Variants in ARPIN observed in about 807,000 individuals in gnomAD.
The protein encoded by ARPIN is actin related protein 2/3 complex inhibitor.
A neutral mutation model predicts 25.9 loss-of-function variants in ARPIN; 23 were observed. The ratio of observed to expected loss-of-function variants is 0.89; its 90% CI spans 0.64 to 1.26. ARPIN has a LOEUF of 1.26. ARPIN is among the 50% of genes most tolerant of loss of function. The probability of loss-of-function intolerance (pLI) is 0.00; values close to 1 mark genes in which losing one functional copy is unlikely to be tolerated. For missense variants in ARPIN, 333 were observed against 312.2 expected (o/e 1.07, Z -0.50); for synonymous variants, 126 against 131.4 (o/e 0.96, Z 0.28).
Position 89,903,099 on chromosome 15 carries a change from C to A in ARPIN, c.672+117G>T, listed in dbSNP as rs138285286. 1.3e-4 allele frequency: 200 copies of A among 1,599,594 alleles called. 2 individuals are homozygous for A. The East Asian group carries it at 4.3e-3, about 35-fold the overall frequency. On this transcript the variant is annotated intron_variant, in intron 5 of 5. Coordinates refer to ENST00000357484, the MANE Select transcript of ARPIN (RefSeq NM_182616.4). The stretch of plus-strand genomic sequence containing the variant: ...ACATTCCCAGGTGTTTCACAGAATT[C>A]CACTAAAGCTGGGGGGTAAGATTCA...
intron 1 of ARPIN, 147 bp downstream of exon 1, chr15:89,912,597 C>A: frequency 7.4e-7 from 1 of 1,345,572 alleles, no homozygotes. Context: ...CCGGGAGCGG[C>A]GGACTGGAGG....
At chr15:89,902,838 C>G in intron 5 of ARPIN, 1 of 1,159,092 alleles carries the variant, frequency 8.6e-7, no homozygotes, top group South Asian at 2.0e-5. Flanking sequence ...AGGCAAGGAG[C>G]CCAAACCAAA....
At position 89,901,633 on chromosome 15, in the gene ARPIN, GT is replaced by G. The variant is rs1897022541; in HGVS notation, c.*161del. The G allele has an allele frequency of 2.3e-6, 2 of 858,116 alleles. No individual in the cohort carries two copies. Among genetic ancestry groups the G allele is most frequent in the Non-Finnish European group, 3.7e-6 (2 of 544,372 alleles). 53.2% of individuals were successfully genotyped at this position (858,116 alleles called of 1,614,324 possible). A position where few individuals can be genotyped will look rare whatever the true frequency, so the allele number is the denominator to read the frequency against. ...CACCAACACAGTGGTCATGGGTTTG[GT>G]TTTAGCAGAGCTTGTTCAAAGAGTA... On this transcript the variant is annotated 3_prime_UTR_variant, in exon 6 of 6. Coordinates refer to ENST00000357484, the MANE Select transcript of ARPIN (RefSeq NM_182616.4).
chr15:89,908,129 G>T, intron 3 of ARPIN, 151 bp downstream of exon 3: 1 of 1,317,226 alleles, frequency 7.6e-7, no homozygotes. Context: ...GGCAAGGCCA[G>T]GGGTGGATGT....
chr15:89,910,948 T>G, intron 1 of ARPIN, 129 bp from the exon 2 acceptor site: 1 of 1,133,130 alleles, frequency 8.8e-7, no homozygotes. Context: ...GCTTCCGACA[T>G]AGGGATCTCC....
chr15:89,912,742 A>AC lies in ARPIN; in HGVS notation c.92+1dup, dbSNP rs1355810533. ...GACCCGAGGCCGTGAGCCCAGGCCTACCCCTGGTGGGCGGCGGGGTCCCAG... is the reference window on the plus strand; with the variant it reads ...GACCCGAGGCCGTGAGCCCAGGCCTACCCCCTGGTGGGCGGCGGGGTCCCAG... On this transcript the variant is annotated splice_donor_variant, in intron 1 of 5. Transcript: ENST00000357484. LOFTEE classifies it high-confidence loss of function. 1 of 1,293,910 alleles carries AC rather than the reference A, an allele frequency of 7.7e-7. No individual in the cohort carries two copies. The highest frequency in any genetic ancestry group is 3.0e-5 in the Admixed American group (1 of 33,384). 80.2% of individuals were successfully genotyped at this position (1,293,910 alleles called of 1,614,324 possible).
At chr15:89,903,755 C>T (rs1486680938) in intron 4 of ARPIN, 22 bp downstream of exon 4, 4 of 1,613,214 alleles carry the variant, frequency 2.5e-6, no homozygotes. Flanking sequence ...CAGTGGGCCA[C>T]AGTGAGGGTT....
Position 89,903,973 on chromosome 15 carries a change from G to T in ARPIN, c.312C>A (p.Ala104=). 2 of 1,606,128 alleles carry T rather than the reference G, an allele frequency of 1.2e-6. No individual in the cohort carries two copies. The highest frequency in any genetic ancestry group is 1.7e-6 in the Non-Finnish European group (2 of 1,178,782). ...GFLMSSYKVE[A]KGDTDRLTPE... is the part of the protein sequence containing the mutation. ...GCGTGAGCCTGTCAGTGTCCCCCTTGGCTTCCACCTCTGCAGGCACAGAGC... is the reference window on the plus strand; with the variant it reads ...GCGTGAGCCTGTCAGTGTCCCCCTTTGCTTCCACCTCTGCAGGCACAGAGC... The change falls in exon 4 of 6, where the codon GCC becomes GCA. Residue 104 remains alanine, a synonymous_variant. Coordinates refer to ENST00000357484, the MANE Select transcript of ARPIN (RefSeq NM_182616.4).
At position 89,895,267 on chromosome 15, in the gene ARPIN, G is replaced by T. The variant is rs1896912289; in HGVS notation, c.*6528C>A. The T allele has an allele frequency of 6.6e-6, 1 of 152,098 alleles. No homozygotes were observed. The highest frequency in any genetic ancestry group is 1.5e-5 in the Non-Finnish European group (1 of 68,010). 9.4% of individuals were successfully genotyped at this position (152,098 alleles called of 1,614,324 possible). On this transcript the variant is annotated 3_prime_UTR_variant, in exon 6 of 6. Transcript: ENST00000357484. ...CATGCTGGGAAAGATTTATGATACG[G>T]AAGTGTTCATGACACCTGTTAAGCT...
intron 1 of ARPIN, 81 bp downstream of exon 1, chr15:89,912,663 T>TTGGGGCCCCCC: frequency 2.3e-6 from 2 of 871,104 alleles, no homozygotes; most frequent in Non-Finnish European, 2.8e-6. Context: ...CCCACCCGCA[T>TTGGGGCCCCCC]CCCACCCCCC....
At chr15:89,912,663 T>TGTGGGGC in intron 1 of ARPIN, 81 bp downstream of exon 1, 2 of 871,102 alleles carry the variant, frequency 2.3e-6, no homozygotes, top group Non-Finnish European at 2.8e-6. Context: ...CCCACCCGCA[T>TGTGGGGC]CCCACCCCCC....
In ARPIN at chr15:89,901,258, C is replaced by G. The variant is rs1391529199; in HGVS notation, c.*537G>C. 2 of 160,508 alleles carry G rather than the reference C, an allele frequency of 1.2e-5. No homozygotes were observed. The highest frequency in any genetic ancestry group is 4.8e-5 in the African/African-American group (2 of 41,508). The allele number at this position is 160,508 out of a possible 1,614,324, so 9.9% of individuals were successfully genotyped here. ...GAGGAAGAGCCCCGCTAACTTCTCT[C>G]AGCTGCTCTGCATTTAGACAAGGGA... is the stretch of plus-strand genomic sequence containing the variant. On this transcript the variant is annotated 3_prime_UTR_variant, in exon 6 of 6. Coordinates refer to ENST00000357484, the MANE Select transcript of ARPIN (RefSeq NM_182616.4).
At chr15:89,908,897 C>T (rs1354144696) in intron 2 of ARPIN, among the ~76,000 whole-genome samples, 1 of 152,076 alleles carries the variant, frequency 6.6e-6, no homozygotes, top group African/African-American at 2.4e-5. Context: ...GCAGGAGAAT[C>T]GCTTGAGCCC....
In ARPIN at chr15:89,912,928, A is replaced by G; in HGVS notation, c.-93T>C. On this transcript the variant is annotated 5_prime_UTR_variant, in exon 1 of 6. Transcript: ENST00000357484. ...GCTGCAGGACGCGCGGGGACCCGCG[A>G]TTCCCAGCCGGCGGATCCGGGAATG... 1 of 1,386,182 alleles carries G rather than the reference A, an allele frequency of 7.2e-7. No homozygotes were observed. The highest frequency in any genetic ancestry group is 9.3e-7 in the Non-Finnish European group (1 of 1,073,294). The allele number at this position is 1,386,182 out of a possible 1,614,324, so 85.9% of individuals were successfully genotyped here. A position where few individuals can be genotyped will look rare whatever the true frequency, so the allele number is the denominator to read the frequency against.
In ARPIN at chr15:89,903,948, G is replaced by T; in HGVS notation, c.337C>A (p.Pro113Thr). 1 of 1,610,440 alleles carries T rather than the reference G, an allele frequency of 6.2e-7. No homozygotes were observed. The highest frequency in any genetic ancestry group is 8.5e-7 in the Non-Finnish European group (1 of 1,179,862). ...EAKGDTDRLT[P>T]EALKGLVNKP... ...TTGACCAGCCCCTTCAGCGCCTCGG[G>T]CGTGAGCCTGTCAGTGTCCCCCTTG... Residue 113 changes from proline (P) to threonine (T), a missense_variant, in exon 4 of 6, where the codon CCC becomes ACC. Transcript: ENST00000357484.
chr15:89,910,906 A>C (rs2141928401), intron 1 of ARPIN, 87 bp from the exon 2 acceptor site: 1 of 1,211,210 alleles, frequency 8.3e-7, no homozygotes, highest in Non-Finnish European at 1.1e-6. Context: ...CAGCCCTGAG[A>C]AGGCTGGGTA....
chr15:89,902,191 C>T (rs1404091067), intron 5 of ARPIN, among the ~76,000 whole-genome samples: 1 of 151,846 alleles, frequency 6.6e-6, no homozygotes, highest in Non-Finnish European at 1.5e-5. Flanking sequence ...GGTGGATCAC[C>T]CGAGGTCGGG....
chr15:89,902,871 T>G, intron 5 of ARPIN: 2 of 1,209,654 alleles, frequency 1.7e-6, no homozygotes, highest in Non-Finnish European at 1.0e-6. Flanking sequence ...ACGCATTCAG[T>G]TGTTCAACTG....
chr15:89,903,664 C>A, intron 4 of ARPIN, 113 bp downstream of exon 4: 1 of 1,506,892 alleles, frequency 6.6e-7, no homozygotes, highest in Non-Finnish European at 9.0e-7. Context: ...TTGGTCGTGT[C>A]CCCATGGAGG....
Sources: gnomAD v4.1 joint callset for allele counts (sites outside exome capture counted in the v4.1 genomes callset) on GRCh38, gnomAD v4.1.1 for gene constraint, MANE v1.5 for transcripts, NCBI Gene and HGNC (gene_info 2026-07-23, HGNC 2026-07-21) for gene names.